Variants in DBR1 observed in about 807,000 individuals in gnomAD.
DBR1 encodes debranching RNA lariats 1.
A neutral mutation model predicts 45.9 loss-of-function variants in DBR1; 33 were observed. The ratio of observed to expected loss-of-function variants is 0.72; its 90% confidence interval spans 0.55 to 0.96. The LOEUF (loss-of-function observed/expected upper bound fraction) is 0.96, where lower values mean the gene tolerates loss of function less well. DBR1 is among the 40% of genes least tolerant of loss of function. The pLI, the probability that DBR1 is intolerant of heterozygous loss-of-function variation, is 0.00. For missense variants in DBR1, 619 were observed against 667.4 expected (o/e 0.93, Z 0.80); for synonymous variants, 235 against 235.9 (o/e 1.00, Z 0.04).
At chr3:138,164,132 A>G in intron 5 of DBR1, 1 of 232,810 alleles carries the variant, frequency 4.3e-6, no homozygotes, top group Admixed American at 5.5e-5. Context: ...TTGAACACAC[A>G]TAAATCAAAG....
intron 7 of DBR1, 147 bp from the exon 8 acceptor site, chr3:138,162,729 G>C: frequency 1.4e-6 from 1 of 719,024 alleles, no homozygotes; most frequent in South Asian, 2.1e-5. Context: ...ATTTAGCAAA[G>C]GACCATTTAG....
intron 4 of DBR1, among the ~76,000 whole-genome samples, chr3:138,168,232 T>C (rs1293348893): frequency 2.0e-5 from 3 of 152,134 alleles, no homozygotes; most frequent in Non-Finnish European, 2.9e-5. Flanking sequence ...ACAACTTAAA[T>C]ACCGGCTGGG....
chr3:138,166,318 A>C (rs2042930279), intron 5 of DBR1, among the ~76,000 whole-genome samples: 1 of 152,192 alleles, frequency 6.6e-6, no homozygotes, highest in South Asian at 2.1e-4. Flanking sequence ...ACCTTCCATC[A>C]AGTACATCAT....
intron 3 of DBR1, 116 bp downstream of exon 3, chr3:138,171,514 ACTT>A: frequency 2.0e-6 from 1 of 504,602 alleles, no homozygotes; most frequent in Non-Finnish European, 3.6e-6. Flanking sequence ...AAATACTAAG[ACTT>A]GATAAAACTA....
rs2042943144 is a variant in DBR1, at chr3:138,169,048, G to T, written c.489+1059C>A. ...ACTGGTAGGATTTAGATAGGTGAAA[G>T]AGAAAATCTATTTAAGGGAACTGTA... On this transcript the variant is annotated intron_variant, in intron 4 of 7. Transcript: ENST00000260803. Among the ~76,000 whole-genome samples, 3 of 152,242 alleles carry T rather than the reference G, an allele frequency of 2.0e-5. No individual in the cohort carries two copies. In the South Asian group the frequency reaches 6.2e-4, roughly 32 times the overall value.
intron 1 of DBR1, 140 bp from the exon 2 acceptor site, chr3:138,173,766 G>T: frequency 1.1e-6 from 1 of 895,254 alleles, no homozygotes; most frequent in Non-Finnish European, 1.6e-6. Flanking sequence ...GCTGGGCGCG[G>T]TGGCTCCCTC....
intron 4 of DBR1, 139 bp from the exon 5 acceptor site, chr3:138,167,444 C>CT: frequency 1.6e-6 from 1 of 625,586 alleles, no homozygotes; most frequent in East Asian, 2.9e-5. Context: ...TCTAAGGACA[C>CT]TTTAAGAGAG....
intron 2 of DBR1, 74 bp from the exon 3 acceptor site, chr3:138,171,787 T>C: frequency 9.3e-7 from 1 of 1,069,674 alleles, no homozygotes; most frequent in Admixed American, 1.9e-5. Flanking sequence ...CCATTCCATT[T>C]AGATGGAATT....
At chr3:138,171,765 C>T (rs935851303) in intron 2 of DBR1, 52 bp from the exon 3 acceptor site, 7 of 1,290,632 alleles carry the variant, frequency 5.4e-6, no homozygotes, top group Admixed American at 1.7e-5. Context: ...ATCTCTACAC[C>T]GACTGAATAA....
rs1390847693 is a variant in DBR1, at chr3:138,163,824, T to C, written c.749A>G (p.Lys250Arg). 3.1e-6 allele frequency: 5 copies of C among 1,613,076 alleles called. No homozygotes were observed. The highest frequency in any genetic ancestry group is 4.2e-6 in the Non-Finnish European group (5 of 1,179,468). Residue 250 changes from lysine to arginine, a missense_variant, in exon 6 of 8, where the codon AAA becomes AGA. Lys to Arg is a conservative substitution (Grantham distance 26). This residue lies in a region of DBR1 where 430 missense variants were observed against 447.7 expected (regional missense o/e 0.96). Transcript: ENST00000260803. ...TAAGCATTTGTCCAAGGCTAAAAAT[T>C]TGGTTGCTCTGGCTGTCTGTCCTTT... The part of the protein sequence containing the change: ...KDKGQTARAT[K>R]FLALDKCLPH...
At chr3:138,170,000 C>T (rs888268014) in intron 4 of DBR1, 107 bp downstream of exon 4, 3 of 711,782 alleles carry the variant, frequency 4.2e-6, no homozygotes, top group Non-Finnish European at 7.2e-6. Context: ...TTTAAAAATA[C>T]AGAATTGCTC....
rs556928934 is a variant in DBR1, at chr3:138,161,584, G to A, written c.*305C>T. On this transcript the variant is annotated 3_prime_UTR_variant, in exon 8 of 8. Transcript: ENST00000260803. Reference sequence around the variant, plus strand: ...TTGTCGGCCAGGCACAGTGGCTCACGCCTGTAATCCCAGCACTTTAGAAGG... The same window carrying A: ...TTGTCGGCCAGGCACAGTGGCTCACACCTGTAATCCCAGCACTTTAGAAGG... 32 of 263,104 alleles carry A rather than the reference G, an allele frequency of 1.2e-4. 1 individual carries two copies. In the South Asian group the frequency reaches 2.0e-3, roughly 16 times the overall value. The allele number at this position is 263,104 out of a possible 1,614,324, so 16.3% of individuals were successfully genotyped here. A position where few individuals can be genotyped will look rare whatever the true frequency, so the allele number is the denominator to read the frequency against.
chr3:138,167,356 C>A, intron 4 of DBR1, 51 bp from the exon 5 acceptor site: 2 of 1,247,108 alleles, frequency 1.6e-6, no homozygotes, highest in Non-Finnish European at 2.3e-6. Context: ...ACAGATTAAC[C>A]AAAACAATCC....
At position 138,161,095 on chromosome 3, in the gene DBR1, A is replaced by G. The variant is rs931139758; in HGVS notation, c.*794T>C. 7 of 152,202 alleles carry G rather than the reference A, an allele frequency of 4.6e-5. No individual in the cohort carries two copies. The highest frequency in any genetic ancestry group is 7.3e-5 in the Non-Finnish European group (5 of 68,036). 9.4% of individuals were successfully genotyped at this position (152,202 alleles called of 1,614,324 possible). A position where few individuals can be genotyped will look rare whatever the true frequency, so the allele number is the denominator to read the frequency against. ...TTTATTTGACAGATATTAAAAGCTG[A>G]TCAGGAAAAATATTTATAATAAATG... On this transcript the variant is annotated 3_prime_UTR_variant, in exon 8 of 8. Coordinates refer to ENST00000260803, the MANE Select transcript of DBR1 (RefSeq NM_016216.4).
In DBR1 at chr3:138,162,196, GC is replaced by G. The variant is rs1390411464; in HGVS notation, c.1327del (p.Ala443HisfsTer5). The G allele has an allele frequency of 6.2e-7, 1 of 1,614,120 alleles. No homozygotes were observed. Among genetic ancestry groups the G allele is most frequent in the South Asian group, 1.1e-5 (1 of 91,076 alleles). On this transcript the variant is annotated frameshift_variant, in exon 8 of 8. Transcript: ENST00000260803. LOFTEE classifies it high-confidence loss of function. ...CGATGGTGTATTCATGCCACTATGT[GC>G]ACTTACAATACTATCTTCATCTTCT... ...EEEDEDSIVS[A>X]HSGMNTPSVE...
Position 138,162,464 on chromosome 3 carries a change from G to C in DBR1, c.1060C>G (p.Gln354Glu). Residue 354 changes from glutamine to glutamate, a missense_variant, in exon 8 of 8, where the codon CAG (glutamine) becomes GAG (glutamate). Around this residue, in one of 3 missense-constraint regions of DBR1, gnomAD observed 430 missense variants for 447.7 expected, o/e 0.96. Transcript: ENST00000260803. Reference protein sequence around the residue: ...TAACYDPSKPQTQMQLIHRIN... With the variant: ...TAACYDPSKPETQMQLIHRIN... ...CTATGAATCAGCTGCATTTGTGTCT[G>C]TGGCTTGCTAGGATCATAACAAGCA... The C allele has an allele frequency of 6.2e-7, 1 of 1,614,148 alleles. No homozygotes were observed. The highest frequency in any genetic ancestry group is 8.5e-7 in the Non-Finnish European group (1 of 1,180,032).
intron 6 of DBR1, 83 bp from the exon 7 acceptor site, chr3:138,163,577 G>T (rs1414554317): frequency 2.5e-6 from 2 of 812,930 alleles, no homozygotes; most frequent in Non-Finnish European, 3.4e-6. Flanking sequence ...AAAATAAAAA[G>T]GAATTTAATT....
Position 138,167,087 on chromosome 3 carries a change from C to T in DBR1, c.708G>A (p.Gln236=). 1 of 1,613,922 alleles carries T rather than the reference C, an allele frequency of 6.2e-7. No homozygotes were observed. Among genetic ancestry groups the T allele is most frequent in the Non-Finnish European group, 8.5e-7 (1 of 1,179,834 alleles). ...TAAACATTTTGTTTTCTACCTGATG[C>T]TGCATCAAGGCGGCAAACTTCACAT... is the stretch of plus-strand genomic sequence containing the variant. The part of the protein sequence containing the change: ...HLHVKFAALM[Q]HQAKDKGQTA... The change falls in exon 5 of 8, where the codon CAG becomes CAA. Residue 236 remains glutamine, a synonymous_variant. Transcript: ENST00000260803.
intron 2 of DBR1, among the ~76,000 whole-genome samples, 178 bp downstream of exon 2, chr3:138,173,324 T>C (rs1331587848): frequency 6.6e-6 from 1 of 152,206 alleles, no homozygotes; most frequent in East Asian, 1.9e-4. Flanking sequence ...ATGAAGGGCA[T>C]ATTTTCATGA....
Sources: allele counts gnomAD v4.1 joint callset (sites outside exome capture counted in the v4.1 genomes callset), GRCh38; gene constraint gnomAD v4.1.1; regional missense constraint gnomAD v4.1.1; transcripts MANE v1.5; gene names NCBI Gene and HGNC (gene_info 2026-07-23, HGNC 2026-07-21).